RAB19: variants seen among roughly 807,000 people sequenced by gnomAD.
RAB19 encodes RAB19, member RAS oncogene family, also known as ras-related protein Rab-19.
Under a neutral mutation model 17.3 loss-of-function variants are expected in RAB19, and 21 were observed. The observed-to-expected ratio is 1.21, with a 90% CI of 0.86 to 1.74. The LOEUF (loss-of-function observed/expected upper bound fraction) is 1.74. Among genes scored for constraint, RAB19 ranks in the 40% most tolerant of loss-of-function variants. The pLI is 0.00. For synonymous variants in RAB19, 126 were observed against 110.4 expected, an observed-to-expected ratio of 1.14 and a Z score of -0.88; for missense variants, 277 against 286.8, an observed-to-expected ratio of 0.97 and a Z score of 0.25.
chr7:140,418,860 A>AG (rs924351847), intron 3 of RAB19, among the ~76,000 whole-genome samples: 2 of 147,524 alleles, frequency 1.4e-5, no homozygotes, highest in African/African-American at 4.9e-5. Context: ...CCCTGTCTCA[A>AG]AAAAAAAAAA....
chr7:140,413,511 A>G (rs1799403272), intron 3 of RAB19, among the ~76,000 whole-genome samples: 1 of 152,136 alleles, frequency 6.6e-6, no homozygotes, highest in Non-Finnish European at 1.5e-5. Context: ...CCTGGTCAAC[A>G]TAGTGAGACT....
At chr7:140,412,247 C>G (rs947493829) in intron 3 of RAB19, among the ~76,000 whole-genome samples, 190 bp downstream of exon 3, 4 of 151,904 alleles carry the variant, frequency 2.6e-5, no homozygotes, top group African/African-American at 7.3e-5. Flanking sequence ...GTCAGGAGAT[C>G]CAGACCATCC....
intron 3 of RAB19, among the ~76,000 whole-genome samples, chr7:140,424,229 C>G (rs916251739): frequency 2.7e-5 from 4 of 148,878 alleles, no homozygotes; most frequent in African/African-American, 9.9e-5. Context: ...GCGATCTCAG[C>G]TCACTGCAAC....
At chr7:140,411,319 G>A (rs918345494) in intron 2 of RAB19, among the ~76,000 whole-genome samples, 18 of 152,170 alleles carry the variant, frequency 1.2e-4, no homozygotes, top group African/African-American at 4.3e-4. Flanking sequence ...AGAATGGTGT[G>A]AACCTGGGAG....
At chr7:140,405,877 A>G (rs556434897) in intron 1 of RAB19, among the ~76,000 whole-genome samples, 114 of 152,260 alleles carry the variant, frequency 7.5e-4, no homozygotes, top group Non-Finnish European at 1.4e-3. Flanking sequence ...GAGCTCCAAA[A>G]ATATATTTTT....
intron 1 of RAB19, among the ~76,000 whole-genome samples, chr7:140,406,432 G>A (rs1469487093): frequency 6.6e-6 from 1 of 151,768 alleles, no homozygotes; most frequent in South Asian, 2.1e-4. Flanking sequence ...TTGAGGTCAG[G>A]CATTCGAGAC....
chr7:140,416,096 A>G (rs1799452914), intron 3 of RAB19, among the ~76,000 whole-genome samples: 1 of 151,942 alleles, frequency 6.6e-6, no homozygotes, highest in African/African-American at 2.4e-5. Context: ...TAATCCTAGC[A>G]CTTTGGGAGG....
At chr7:140,411,448 G>C (rs1799359898) in intron 2 of RAB19, among the ~76,000 whole-genome samples, 1 of 151,672 alleles carries the variant, frequency 6.6e-6, no homozygotes, top group Non-Finnish European at 1.5e-5. Context: ...TAAATCGGCT[G>C]TCCAAGCTTC....
intron 2 of RAB19, 32 bp downstream of exon 2, chr7:140,407,879 CCTTTTT>C (rs879060689): frequency 3.4e-4 from 292 of 848,076 alleles, no homozygotes; most frequent in Non-Finnish European, 4.0e-4. Context: ...ACTGGTTCCA[CCTTTTT>C]TTTTTTTTTT....
chr7:140,418,577 T>TA (rs1323234231), intron 3 of RAB19, among the ~76,000 whole-genome samples: 1,492 of 126,968 alleles, frequency 0.012, 27 homozygotes, highest in African/African-American at 0.038. Flanking sequence ...CTCTGTCTCT[T>TA]AAAAAAAAAA....
intron 3 of RAB19, among the ~76,000 whole-genome samples, chr7:140,424,399 C>T (rs1367157623): frequency 6.6e-6 from 1 of 151,928 alleles, no homozygotes; most frequent in Non-Finnish European, 1.5e-5. Flanking sequence ...TCAGGTTATC[C>T]ACCCACCTCG....
intron 3 of RAB19, among the ~76,000 whole-genome samples, chr7:140,423,069 C>G (rs556706430): frequency 7.2e-5 from 11 of 152,282 alleles, no homozygotes; most frequent in African/African-American, 2.4e-4. Flanking sequence ...GATAGCACCA[C>G]TGCACTCCAG....
chr7:140,418,516 C>T (rs532045890), intron 3 of RAB19, among the ~76,000 whole-genome samples: 5 of 149,570 alleles, frequency 3.3e-5, no homozygotes, highest in Admixed American at 2.0e-4. Flanking sequence ...GCAGAGGTTG[C>T]GGTGAGCCGA....
intron 2 of RAB19, chr7:140,411,052 C>T (rs1211457907): frequency 7.3e-7 from 1 of 1,367,594 alleles, no homozygotes; most frequent in Non-Finnish European, 9.8e-7. Context: ...CAAATCTGGA[C>T]CAAGTGATGA....
chr7:140,410,752 C>T (rs1203629263), intron 2 of RAB19, among the ~76,000 whole-genome samples: 1 of 152,094 alleles, frequency 6.6e-6, no homozygotes, highest in Non-Finnish European at 1.5e-5. Flanking sequence ...GCCACTGCAC[C>T]CAGCCTCATT....
At chr7:140,406,578 G>A (rs112480981) in intron 1 of RAB19, among the ~76,000 whole-genome samples, 42,722 of 150,980 alleles carry the variant, frequency 0.28, 6,139 homozygotes, top group Non-Finnish European at 0.31. Context: ...GGCAGAGGTT[G>A]CAGTGAGCTG....
chr7:140,410,205 T>C (rs1230496492), intron 2 of RAB19, among the ~76,000 whole-genome samples: 1 of 150,570 alleles, frequency 6.6e-6, no homozygotes, highest in Admixed American at 6.6e-5. Context: ...TGATCTCAGC[T>C]CGCTATAGCC....
At chr7:140,411,511 C>T (rs1799360751) in intron 2 of RAB19, among the ~76,000 whole-genome samples, 1 of 150,442 alleles carries the variant, frequency 6.6e-6, no homozygotes, top group Non-Finnish European at 1.5e-5. Flanking sequence ...ACACAAATTA[C>T]ACTAACACTA....
At chr7:140,404,582 T>C (rs1799201677) in intron 1 of RAB19, 1 of 152,132 alleles carries the variant, frequency 6.6e-6, no homozygotes, top group Admixed American at 6.6e-5. Context: ...GGTTTTTGCA[T>C]GCAGATTGGA....
Sources: allele counts gnomAD v4.1 joint callset (sites outside exome capture counted in the v4.1 genomes callset), GRCh38; gene constraint gnomAD v4.1.1; transcripts MANE v1.5; gene names NCBI Gene and HGNC (gene_info 2026-07-23, HGNC 2026-07-21).